The following OSBPL11 variants were observed in gnomAD, a reference collection of about 807,000 sequenced individuals.
OSBPL11 encodes the protein oxysterol-binding protein-related protein 11.
OSBPL11 carries 33 observed loss-of-function variants against 84.4 expected under a neutral mutation model. The ratio of observed to expected loss-of-function variants is 0.39; its 90% CI spans 0.30 to 0.52. The LOEUF (loss-of-function observed/expected upper bound fraction) is 0.52, where lower values mean the gene tolerates loss of function less well. Ranked by LOEUF, OSBPL11 falls within the 20% of genes least tolerant of loss-of-function variation. The pLI, the probability that OSBPL11 is intolerant of heterozygous loss-of-function variation, is 0.72. For synonymous variants in OSBPL11, 276 were observed against 310.2 expected, an observed-to-expected ratio of 0.89 and a Z score of 1.16; for missense variants, 736 against 901.1, an observed-to-expected ratio of 0.82 and a Z score of 2.35.
At chr3:125,592,291 A>C (rs1188100926) in intron 1 of OSBPL11, among the ~76,000 whole-genome samples, 1 of 152,146 alleles carries the variant, frequency 6.6e-6, no homozygotes, top group East Asian at 1.9e-4. Context: ...CTCCCACCTC[A>C]GCGCCCCAAA....
Position 125,529,405 on chromosome 3 carries a change from G to A in OSBPL11, c.*1110C>T, listed in dbSNP as rs1376316070. ...TACAACTTCCTGATCTTTTTTTCCT[G>A]ATACCTTTTCATTTCGTTGTTTCTT... On this transcript the variant is annotated 3_prime_UTR_variant, in exon 13 of 13. Coordinates refer to ENST00000296220, the MANE Select transcript of OSBPL11 (RefSeq NM_022776.5). 6.7e-6 allele frequency: 1 copy of A among 148,892 alleles called. No homozygotes were observed. Among genetic ancestry groups the A allele is most frequent in the Non-Finnish European group, 1.5e-5 (1 of 67,394 alleles). The allele number at this position is 148,892 out of a possible 1,614,324, so 9.2% of individuals were successfully genotyped here. A position where few individuals can be genotyped will look rare whatever the true frequency, so the allele number is the denominator to read the frequency against.
At chr3:125,555,155 C>T (rs1194687131) in intron 8 of OSBPL11, among the ~76,000 whole-genome samples, 1 of 152,148 alleles carries the variant, frequency 6.6e-6, no homozygotes, top group Non-Finnish European at 1.5e-5. Flanking sequence ...GTCTTCTGGC[C>T]TACATCTTTC....
intron 1 of OSBPL11, among the ~76,000 whole-genome samples, chr3:125,587,538 A>G (rs1936532917): frequency 6.6e-6 from 1 of 152,204 alleles, no homozygotes; most frequent in Non-Finnish European, 1.5e-5. Flanking sequence ...CTCTAAGGAA[A>G]AGTTTTAAGG....
At chr3:125,589,265 C>A (rs1234768994) in intron 1 of OSBPL11, among the ~76,000 whole-genome samples, 6 of 149,266 alleles carry the variant, frequency 4.0e-5, no homozygotes, top group African/African-American at 1.5e-4. Flanking sequence ...TCGCTTGAAC[C>A]CAGGAGGCAG....
At chr3:125,573,290 G>A (rs1936269725) in intron 5 of OSBPL11, among the ~76,000 whole-genome samples, 3 of 152,056 alleles carry the variant, frequency 2.0e-5, no homozygotes, top group South Asian at 2.1e-4. Context: ...GTAGTGATAG[G>A]AGTATATCAC....
At chr3:125,553,227 T>C (rs563428446) in intron 8 of OSBPL11, among the ~76,000 whole-genome samples, 1 of 152,314 alleles carries the variant, frequency 6.6e-6, no homozygotes, top group Admixed American at 6.5e-5. Flanking sequence ...CTAGACTGGA[T>C]AAAAGTATCA....
chr3:125,551,017 A>G (rs1935897998), intron 9 of OSBPL11, among the ~76,000 whole-genome samples: 1 of 152,068 alleles, frequency 6.6e-6, no homozygotes, highest in African/African-American at 2.4e-5. Context: ...TAAAAAAATT[A>G]GCCTAGCATG....
chr3:125,552,327 C>A lies in OSBPL11; in HGVS notation c.1508G>T (p.Arg503Ile), dbSNP rs753174656. Residue 503 changes from arginine (R) to isoleucine (I), a missense_variant, in exon 9 of 13, where the codon AGA (arginine) becomes ATA (isoleucine). Physicochemically the swap from Arg to Ile is moderately conservative, Grantham distance 97. Around this residue, in one of 3 missense-constraint regions of OSBPL11, gnomAD observed 579 missense variants for 717.6 expected, o/e 0.81. Coordinates refer to ENST00000296220, the MANE Select transcript of OSBPL11 (RefSeq NM_022776.5). ...ATGAGAAACCTGCTCAGCAACAAAT[C>A]TGACTGTGTAACAGTCTGATCCCAC... ...TQVGSDCYTV[R>I]FVAEQVSHHP... is the part of the protein sequence containing the mutation. 60 of 1,614,008 alleles carry A rather than the reference C, an allele frequency of 3.7e-5. No individual in the cohort carries two copies. Among genetic ancestry groups the A allele is most frequent in the Non-Finnish European group, 4.9e-5 (58 of 1,180,034 alleles).
chr3:125,529,761 A>G lies in OSBPL11; in HGVS notation c.*754T>C, dbSNP rs1483841418. The G allele has an allele frequency of 2.0e-5, 3 of 152,672 alleles. No individual in the cohort carries two copies. The highest frequency in any genetic ancestry group is 7.2e-5 in the African/African-American group (3 of 41,466). The allele number at this position is 152,672 out of a possible 1,614,324, so 9.5% of individuals were successfully genotyped here. On this transcript the variant is annotated 3_prime_UTR_variant, in exon 13 of 13. Transcript: ENST00000296220. ...TTAAAAAGTGTCTCTCAAGTGTAAT[A>G]TTTAATAAAACTAGGTACTGAAAAA...
rs571062574 is a variant in OSBPL11 at position 125,531,506 on chromosome 3, G to A, written c.2178+355C>T. On this transcript the variant is annotated intron_variant, in intron 12 of 12. Coordinates refer to ENST00000296220, the MANE Select transcript of OSBPL11 (RefSeq NM_022776.5). ...GGGTTTCTCCATGTTGGTCAGGCTG[G>A]TCTCGAACTCCTGACCTCAGGTGAT... Among the ~76,000 whole-genome samples, 5 of 151,210 alleles carry A rather than the reference G, an allele frequency of 3.3e-5. No individual in the cohort carries two copies. The South Asian group carries it at 1.0e-3, about 32-fold the overall frequency.
chr3:125,542,043 A>G (rs115192882), intron 10 of OSBPL11, among the ~76,000 whole-genome samples: 129 of 152,356 alleles, frequency 8.5e-4, no homozygotes, highest in South Asian at 1.5e-3. Context: ...ATATACAAAT[A>G]AAAGTTAGGT....
In OSBPL11 at chr3:125,530,379, A is replaced by G. The variant is rs1227356604; in HGVS notation, c.*136T>C. 12 of 779,622 alleles carry G rather than the reference A, an allele frequency of 1.5e-5. No homozygotes were observed. The East Asian group carries it at 2.9e-4, about 19-fold the overall frequency. The allele number at this position is 779,622 out of a possible 1,614,324, so 48.3% of individuals were successfully genotyped here. A position where few individuals can be genotyped will look rare whatever the true frequency, so the allele number is the denominator to read the frequency against. On this transcript the variant is annotated 3_prime_UTR_variant, in exon 13 of 13. Coordinates refer to ENST00000296220, the MANE Select transcript of OSBPL11 (RefSeq NM_022776.5). ...TCTTGCTGCAGTATTATGGTGCCCT[A>G]GTAGGTACATTCAGGTTTAGCTAGT...
intron 4 of OSBPL11, among the ~76,000 whole-genome samples, chr3:125,578,071 T>TTGAAAGTG (rs1936357625): frequency 6.6e-6 from 1 of 152,198 alleles, no homozygotes; most frequent in Non-Finnish European, 1.5e-5. Context: ...TTATGAAAAC[T>TTGAAAGTG]TGAAAGTGTT....
rs549135596 is a variant in OSBPL11 at position 125,537,109 on chromosome 3, G to A, written c.2024+1342C>T. ...TAGGAGGTGGAAGTTGCAGGGAGCC[G>A]AGATCGCCCGACCACACTCCAGCCT... On this transcript the variant is annotated intron_variant, in intron 11 of 12. Transcript: ENST00000296220. 3.5e-5 allele frequency among the ~76,000 whole-genome samples: 5 copies of A among 144,496 alleles called. No homozygotes were observed. The South Asian group carries it at 6.6e-4, about 19-fold the overall frequency. The allele number at this position is 144,496 out of a possible 152,430, so 94.8% of individuals were successfully genotyped here. A position where few individuals can be genotyped will look rare whatever the true frequency, so the allele number is the denominator to read the frequency against.
chr3:125,541,586 A>AT (rs996129798), intron 10 of OSBPL11, among the ~76,000 whole-genome samples: 4 of 151,960 alleles, frequency 2.6e-5, no homozygotes, highest in South Asian at 4.1e-4. Context: ...TTTCTGTATT[A>AT]TTTTTTTTGG....
rs999346188 is a variant in OSBPL11, at chr3:125,595,493, C to T, written c.-693G>A. Reference sequence around the variant, plus strand: ...CTCGCGCTATCTCCAGACCCAAGCGCGAATGCCAGGGCCGCGGCCGCCGCC... The same window carrying T: ...CTCGCGCTATCTCCAGACCCAAGCGTGAATGCCAGGGCCGCGGCCGCCGCC... On this transcript the variant is annotated 5_prime_UTR_variant, in exon 1 of 13. Transcript: ENST00000296220. 6.6e-6 allele frequency among the ~76,000 whole-genome samples: 1 copy of T among 152,054 alleles called. No individual in the cohort carries two copies. The highest frequency in any genetic ancestry group is 2.4e-5 in the African/African-American group (1 of 41,360).
At chr3:125,554,325 T>G (rs1202339837) in intron 8 of OSBPL11, among the ~76,000 whole-genome samples, 1 of 152,240 alleles carries the variant, frequency 6.6e-6, no homozygotes, top group Non-Finnish European at 1.5e-5. Flanking sequence ...TCATGCAGCC[T>G]TCTTCTCCTT....
Position 125,582,986 on chromosome 3 carries a change from A to C in OSBPL11, c.165-8T>G. 6.4e-7 allele frequency: 1 copy of C among 1,573,738 alleles called. No individual in the cohort carries two copies. The highest frequency in any genetic ancestry group is 1.2e-5 in the South Asian group (1 of 83,362). ...ACATTTTCCATGTGATCACTATTTC[A>C]AAATGAAAAAGCCAAAGTTAGTAAA... is the stretch of plus-strand genomic sequence containing the variant. On this transcript the variant is annotated splice_polypyrimidine_tract_variant and splice_region_variant and intron_variant, in intron 1 of 12. Coordinates refer to ENST00000296220, the MANE Select transcript of OSBPL11 (RefSeq NM_022776.5).
intron 5 of OSBPL11, among the ~76,000 whole-genome samples, chr3:125,575,447 A>G (rs1936308115): frequency 1.3e-5 from 2 of 151,948 alleles, no homozygotes; most frequent in South Asian, 2.1e-4. Context: ...GCTGGTCTCA[A>G]ACTCCTGGGC....
Sources: gnomAD v4.1 joint callset for allele counts (sites outside exome capture counted in the v4.1 genomes callset) on GRCh38, gnomAD v4.1.1 for gene constraint, gnomAD v4.1.1 regional missense constraint, MANE v1.5 for transcripts, NCBI Gene and HGNC (gene_info 2026-07-23, HGNC 2026-07-21) for gene names.